Variants in FGF7 observed in about 807,000 individuals in gnomAD.
FGF7 encodes fibroblast growth factor 7.
FGF7 carries 6 observed loss-of-function variants against 20.5 expected under a neutral mutation model. The ratio of observed to expected loss-of-function variants is 0.29; its 90% CI spans 0.16 to 0.58. The LOEUF (loss-of-function observed/expected upper bound fraction) is 0.58. Among genes scored for constraint, FGF7 ranks in the 20% least tolerant of loss-of-function variants. FGF7 has a pLI of 0.90. For synonymous variants in FGF7, 64 were observed against 74.7 expected, an observed-to-expected ratio of 0.86 and a Z score of 0.74; for missense variants, 144 against 228.8, an observed-to-expected ratio of 0.63 and a Z score of 2.39.
At chr15:49,469,991 A>G (rs1240826211) in intron 2 of FGF7, among the ~76,000 whole-genome samples, 1 of 152,182 alleles carries the variant, frequency 6.6e-6, no homozygotes, top group Non-Finnish European at 1.5e-5. Context: ...TCATTAGAGG[A>G]TGGCATTAAA....
intron 2 of FGF7, among the ~76,000 whole-genome samples, chr15:49,436,514 T>A (rs1329679633): frequency 6.6e-6 from 1 of 151,568 alleles, no homozygotes; most frequent in Non-Finnish European, 1.5e-5. Context: ...AGTATTAAGA[T>A]AACAAAAATG....
intron 2 of FGF7, among the ~76,000 whole-genome samples, chr15:49,451,732 T>C (rs2052763383): frequency 6.6e-6 from 1 of 152,120 alleles, no homozygotes; most frequent in Non-Finnish European, 1.5e-5. Flanking sequence ...GAAGCCTTTA[T>C]TGGGGATTAA....
At chr15:49,466,270 T>C (rs2054258733) in intron 2 of FGF7, among the ~76,000 whole-genome samples, 1 of 152,176 alleles carries the variant, frequency 6.6e-6, no homozygotes. Context: ...GTTCATCTTG[T>C]GATTCCATGC....
At position 49,469,192 on chromosome 15, in the gene FGF7, T is replaced by C. The variant is rs182877586; in HGVS notation, c.287-13959T>C. ...GAGTCATTTATTTTCTTATAAGACA[T>C]TTGTCTATAACAGTTGATATAAAAT... On this transcript the variant is annotated intron_variant, in intron 2 of 3. Transcript: ENST00000267843. Among the ~76,000 whole-genome samples the C allele has an allele frequency of 2.8e-3, 425 of 152,300 alleles. 8 individuals are homozygous for C. The highest frequency in any genetic ancestry group is 1.6e-3 in the Non-Finnish European group (110 of 67,998).
At chr15:49,459,405 C>T (rs2053591817) in intron 2 of FGF7, among the ~76,000 whole-genome samples, 1 of 152,088 alleles carries the variant, frequency 6.6e-6, no homozygotes, top group Non-Finnish European at 1.5e-5. Flanking sequence ...TTTTCTGAAC[C>T]TCCTAGTCCA....
chr15:49,423,733 T>C (rs944246652), intron 1 of FGF7, among the ~76,000 whole-genome samples: 11 of 152,132 alleles, frequency 7.2e-5, no homozygotes, highest in Non-Finnish European at 1.5e-4. Flanking sequence ...TTAGCAGTAA[T>C]TGTAAAAACT....
chr15:49,471,497 A>AATAATAATC (rs2151966918), intron 2 of FGF7, among the ~76,000 whole-genome samples: 1 of 107,800 alleles, frequency 9.3e-6, no homozygotes, highest in African/African-American at 2.8e-5. Flanking sequence ...TAATAATAAT[A>AATAATAATC]ATAATAATAA....
intron 2 of FGF7, among the ~76,000 whole-genome samples, chr15:49,449,363 A>C (rs2052515902): frequency 6.6e-6 from 1 of 152,106 alleles, no homozygotes; most frequent in Non-Finnish European, 1.5e-5. Flanking sequence ...CAGTGATTTT[A>C]GTATATAAAG....
chr15:49,450,589 A>T (rs2052632863), intron 2 of FGF7, among the ~76,000 whole-genome samples: 1 of 152,118 alleles, frequency 6.6e-6, no homozygotes, highest in East Asian at 1.9e-4. Flanking sequence ...CTTAATGTAG[A>T]GCAACTAGTT....
At position 49,462,955 on chromosome 15, in the gene FGF7, G is replaced by T. The variant is rs139420528; in HGVS notation, c.287-20196G>T. On this transcript the variant is annotated intron_variant, in intron 2 of 3. Transcript: ENST00000267843. ...ATGGAACTGTGTCATGATAAATATA[G>T]CATTATTGGATTCTCTAAATATCAA... is the stretch of plus-strand genomic sequence containing the variant. Among the ~76,000 whole-genome samples, 31 of 152,252 alleles carry T rather than the reference G, an allele frequency of 2.0e-4. No individual in the cohort carries two copies. In the East Asian group the frequency reaches 5.8e-3, roughly 28 times the overall value.
chr15:49,459,212 G>C (rs1002289818), intron 2 of FGF7, among the ~76,000 whole-genome samples: 14 of 152,184 alleles, frequency 9.2e-5, no homozygotes, highest in African/African-American at 3.4e-4. Context: ...GATGTCAGCT[G>C]TCCTGGCCAG....
chr15:49,450,817 C>T (rs1003802801), intron 2 of FGF7, among the ~76,000 whole-genome samples: 2 of 152,124 alleles, frequency 1.3e-5, no homozygotes, highest in Admixed American at 1.3e-4. Flanking sequence ...AAATCTGTTA[C>T]AGGCAATTGG....
chr15:49,431,531 A>T (rs2050617614), intron 2 of FGF7, among the ~76,000 whole-genome samples: 1 of 151,726 alleles, frequency 6.6e-6, no homozygotes, highest in African/African-American at 2.4e-5. Context: ...TCATTCTCAG[A>T]GGAAAAAAAT....
At chr15:49,459,469 TAA>T (rs908425394) in intron 2 of FGF7, among the ~76,000 whole-genome samples, 11 of 151,582 alleles carry the variant, frequency 7.3e-5, no homozygotes, top group East Asian at 1.9e-4. Flanking sequence ...TTTTGAGATA[TAA>T]GAGTGAAAAG....
chr15:49,473,513 ACACT>A (rs2054973246), intron 2 of FGF7, among the ~76,000 whole-genome samples: 1 of 152,178 alleles, frequency 6.6e-6, no homozygotes, highest in Non-Finnish European at 1.5e-5. Flanking sequence ...CTGGCAATAA[ACACT>A]CAGTAAATAC....
chr15:49,458,906 T>C (rs1484187133), intron 2 of FGF7, among the ~76,000 whole-genome samples: 2 of 152,202 alleles, frequency 1.3e-5, no homozygotes, highest in Non-Finnish European at 2.9e-5. Flanking sequence ...TATTTAGTAA[T>C]TATTTTTTAC....
rs1444549471 is a variant in FGF7, at chr15:49,488,283, T to C, written c.*3779T>C. On this transcript the variant is annotated 3_prime_UTR_variant, in exon 4 of 4. Transcript: ENST00000267843. Reference sequence around the variant, plus strand: ...AGCATTGTTGTCAGCTACTCTTTATTCCACTTCTGTACAGTATTTATTCAA... The same window carrying C: ...AGCATTGTTGTCAGCTACTCTTTATCCCACTTCTGTACAGTATTTATTCAA... The C allele has an allele frequency of 6.6e-6, 1 of 152,004 alleles. No homozygotes were observed. The highest frequency in any genetic ancestry group is 2.4e-5 in the African/African-American group (1 of 41,424). 9.4% of individuals were successfully genotyped at this position (152,004 alleles called of 1,614,324 possible).
intron 2 of FGF7, among the ~76,000 whole-genome samples, chr15:49,435,602 G>C (rs923600549): frequency 8.6e-5 from 13 of 151,650 alleles, no homozygotes; most frequent in East Asian, 5.9e-4. Flanking sequence ...AGTGCTTTCA[G>C]CTTTGAAAAG....
At chr15:49,457,997 T>G (rs560162097) in intron 2 of FGF7, among the ~76,000 whole-genome samples, 3 of 152,094 alleles carry the variant, frequency 2.0e-5, no homozygotes, top group Admixed American at 2.0e-4. Flanking sequence ...GATAATATTT[T>G]TTCCCCAAAA....
Sources: allele counts gnomAD v4.1 joint callset (sites outside exome capture counted in the v4.1 genomes callset), GRCh38; gene constraint gnomAD v4.1.1; transcripts MANE v1.5; gene names NCBI Gene and HGNC (gene_info 2026-07-23, HGNC 2026-07-21).